Variants in DNAI1 observed in about 807,000 individuals in gnomAD.
DNAI1 encodes dynein, axonemal, intermediate polypeptide 1.
In DNAI1, 67 loss-of-function variants were observed where a neutral mutation model predicts 92.0. The observed-to-expected ratio is 0.73, with a 90% CI of 0.60 to 0.89. The LOEUF (loss-of-function observed/expected upper bound fraction) is 0.89, where lower values mean the gene tolerates loss of function less well. DNAI1 is among the 40% of genes least tolerant of loss of function. The pLI, the probability that DNAI1 is intolerant of heterozygous loss-of-function variation, is 0.00. For synonymous variants in DNAI1, 323 were observed against 319.6 expected, an observed-to-expected ratio of 1.01 and a Z score of -0.11; for missense variants, 839 against 866.6, an observed-to-expected ratio of 0.97 and a Z score of 0.40.
At chr9:34,509,808 G>A (rs1296089526) in intron 13 of DNAI1, among the ~76,000 whole-genome samples, 1 of 151,154 alleles carries the variant, frequency 6.6e-6, no homozygotes, top group African/African-American at 2.4e-5. Flanking sequence ...TGCTTAGTAG[G>A]CCATCCATAG....
chr9:34,517,640 A>G (rs1825195317), intron 19 of DNAI1, among the ~76,000 whole-genome samples, 173 bp downstream of exon 19: 1 of 152,244 alleles, frequency 6.6e-6, no homozygotes, highest in African/African-American at 2.4e-5. Context: ...GTGAGAAAAC[A>G]GCAGTTTGAC....
chr9:34,519,761 G>T (rs979309114), intron 19 of DNAI1, among the ~76,000 whole-genome samples: 6 of 152,180 alleles, frequency 3.9e-5, no homozygotes, highest in Non-Finnish European at 8.8e-5. Context: ...AGGTGTCAGT[G>T]AGCAGTGGGC....
intron 1 of DNAI1, among the ~76,000 whole-genome samples, chr9:34,481,307 G>A (rs1824349532): frequency 1.3e-5 from 2 of 152,220 alleles, no homozygotes; most frequent in Admixed American, 6.5e-5. Flanking sequence ...AACACTTAGA[G>A]TATGCTTTAA....
chr9:34,508,059 T>C (rs1824978633), intron 13 of DNAI1, among the ~76,000 whole-genome samples: 1 of 152,226 alleles, frequency 6.6e-6, no homozygotes. Flanking sequence ...GTACTATTTT[T>C]CCATGGGCAG....
chr9:34,474,297 C>G (rs1485338893), intron 1 of DNAI1, among the ~76,000 whole-genome samples: 1 of 151,568 alleles, frequency 6.6e-6, no homozygotes, highest in Non-Finnish European at 1.5e-5. Flanking sequence ...TGCAGTGGCT[C>G]AGTCTCAGCT....
Position 34,520,748 on chromosome 9 carries a change from A to C in DNAI1, c.2092A>C (p.Lys698Gln), listed in dbSNP as rs1393638142. The change falls in exon 20 of 20, where the codon AAG becomes CAG. Residue 698 changes from lysine to glutamine, a missense_variant. Lys to Gln is a moderately conservative substitution (Grantham distance 53). Transcript: ENST00000242317. ...GAACCTGGTGAGGGAAGTGAAAATC[A>C]AGACCTGAGGGGCTGGCCTCAGTCT... ...LLNLVREVKI[K>Q]T 6.4e-7 allele frequency: 1 copy of C among 1,551,630 alleles called. No homozygotes were observed. The highest frequency in any genetic ancestry group is 8.7e-7 in the Non-Finnish European group (1 of 1,146,956).
chr9:34,471,701 C>T (rs1824137327), intron 1 of DNAI1, among the ~76,000 whole-genome samples: 1 of 151,454 alleles, frequency 6.6e-6, no homozygotes, highest in Non-Finnish European at 1.5e-5. Context: ...ATCCAGGAGG[C>T]GGAGGTTGGA....
intron 1 of DNAI1, among the ~76,000 whole-genome samples, chr9:34,461,088 C>G (rs946506730): frequency 6.6e-6 from 1 of 152,008 alleles, no homozygotes; most frequent in East Asian, 1.9e-4. Flanking sequence ...GTGATCTGCC[C>G]GCCTCGGCCT....
At chr9:34,494,177 A>G (rs1193599246) in intron 9 of DNAI1, among the ~76,000 whole-genome samples, 1 of 152,100 alleles carries the variant, frequency 6.6e-6, no homozygotes, top group Non-Finnish European at 1.5e-5. Context: ...CTCTCGGGGA[A>G]GTGGTTCTGC....
intron 2 of DNAI1, 68 bp from the exon 3 acceptor site, chr9:34,485,074 A>T (rs1466246987): frequency 1.5e-5 from 23 of 1,512,040 alleles, no homozygotes; most frequent in Non-Finnish European, 2.0e-5. Context: ...TTGTGAATGA[A>T]GGGGCTTTCT....
intron 6 of DNAI1, 78 bp from the exon 7 acceptor site, chr9:34,490,291 G>T: frequency 6.2e-7 from 1 of 1,612,792 alleles, no homozygotes; most frequent in South Asian, 1.1e-5. Context: ...CCTATCCTAG[G>T]ACAGGGCTTG....
intron 1 of DNAI1, among the ~76,000 whole-genome samples, chr9:34,459,752 G>C (rs976413211): frequency 5.3e-5 from 8 of 152,208 alleles, no homozygotes; most frequent in Non-Finnish European, 8.8e-5. Context: ...AGCCTCAAAG[G>C]CATTCTTTAT....
chr9:34,496,708 C>T (rs1468353684), intron 9 of DNAI1, among the ~76,000 whole-genome samples: 1 of 152,178 alleles, frequency 6.6e-6, no homozygotes, highest in Non-Finnish European at 1.5e-5. Context: ...GAGTCTTTCA[C>T]TCTCTGAGCT....
intron 19 of DNAI1, 42 bp from the exon 20 acceptor site, chr9:34,520,616 G>C (rs760476362): frequency 1.3e-6 from 2 of 1,531,798 alleles, no homozygotes; most frequent in Non-Finnish European, 1.8e-6. Context: ...AGAGAGGGGG[G>C]GCCCACCATT....
chr9:34,507,525 AGAG>A lies in DNAI1; in HGVS notation c.1311+658_1311+660del, dbSNP rs552728658. Among the ~76,000 whole-genome samples the A allele has an allele frequency of 4.4e-3, 676 of 152,328 alleles. 3 individuals carry two copies. Among genetic ancestry groups the A allele is most frequent in the African/African-American group, 0.015 (626 of 41,570 alleles). ...ATCATCTTCACATTGAGGAGGCTGA[AGAG>A]GAGGAGAAAGAGGAGGGGTTGGTCT... On this transcript the variant is annotated intron_variant, in intron 13 of 19. Transcript: ENST00000242317.
intron 12 of DNAI1, among the ~76,000 whole-genome samples, chr9:34,504,081 C>G (rs946601866): frequency 1.3e-5 from 2 of 152,136 alleles, no homozygotes; most frequent in African/African-American, 4.8e-5. Context: ...GGCTATCACA[C>G]AGGAGATGGG....
rs754572364 is a variant in DNAI1, at chr9:34,512,358, G to A, written c.1423G>A (p.Val475Ile). The A allele has an allele frequency of 9.3e-6, 15 of 1,614,014 alleles. No individual in the cohort carries two copies. In the East Asian group the frequency reaches 2.2e-4, roughly 24 times the overall value. Residue 475 changes from valine (V) to isoleucine (I), a missense_variant, in exon 15 of 20, where the codon GTC becomes ATC. Val to Ile is a conservative substitution (Grantham distance 29). Coordinates refer to ENST00000242317, the MANE Select transcript of DNAI1 (RefSeq NM_012144.4). ...LVKRKLVHIDVIKLKVEGSTT... is the reference protein window; with the variant it reads ...LVKRKLVHIDIIKLKVEGSTT... The stretch of plus-strand genomic sequence containing the variant: ...ACAGAGAAAGCTGGTTCACATAGAT[G>A]TCATCAAGCTGAAGGTGGAAGGCAG...
intron 12 of DNAI1, among the ~76,000 whole-genome samples, chr9:34,502,159 G>T (rs1047602892): frequency 7.9e-5 from 12 of 152,202 alleles, no homozygotes; most frequent in Non-Finnish European, 1.6e-4. Flanking sequence ...TTTGACCAGG[G>T]TGGGGAGGGG....
intron 19 of DNAI1, 55 bp from the exon 20 acceptor site, chr9:34,520,603 C>T: frequency 6.6e-7 from 1 of 1,503,830 alleles, no homozygotes; most frequent in Non-Finnish European, 9.1e-7. Flanking sequence ...GGTGCTGGGA[C>T]CCAGAGAGGG....
Sources: allele counts gnomAD v4.1 joint callset (sites outside exome capture counted in the v4.1 genomes callset), GRCh38; gene constraint gnomAD v4.1.1; transcripts MANE v1.5; gene names NCBI Gene and HGNC (gene_info 2026-07-23, HGNC 2026-07-21).